Variants in WDFY2 observed in about 807,000 individuals in gnomAD.
The protein encoded by WDFY2 is WD repeat and FYVE domain-containing protein 2.
Under a neutral mutation model 56.4 loss-of-function variants are expected in WDFY2, and 36 were observed. The observed-to-expected ratio is 0.64, with a 90% CI of 0.49 to 0.84. WDFY2 has a LOEUF of 0.84. Ranked by LOEUF, WDFY2 falls within the 40% of genes least tolerant of loss-of-function variation. The pLI is 0.00. For synonymous variants in WDFY2, 176 were observed against 183.7 expected, an observed-to-expected ratio of 0.96 and a Z score of 0.34; for missense variants, 444 against 512.2, an observed-to-expected ratio of 0.87 and a Z score of 1.29.
intron 1 of WDFY2, among the ~76,000 whole-genome samples, chr13:51,649,328 G>T (rs1955322237): frequency 6.6e-6 from 1 of 152,108 alleles, no homozygotes; most frequent in Non-Finnish European, 1.5e-5. Flanking sequence ...GTGCAAGATG[G>T]ACTGTGCGGT....
chr13:51,714,515 A>G (rs1952300290), intron 4 of WDFY2, among the ~76,000 whole-genome samples: 1 of 150,652 alleles, frequency 6.6e-6, no homozygotes, highest in East Asian at 1.9e-4. Flanking sequence ...CTAGTCTTGA[A>G]CTCCTGACCT....
intron 1 of WDFY2, among the ~76,000 whole-genome samples, chr13:51,640,913 C>T (rs559512911): frequency 1.6e-4 from 25 of 152,158 alleles, no homozygotes; most frequent in Non-Finnish European, 2.4e-4. Flanking sequence ...TATCTTTGCT[C>T]ACTGGGATGA....
intron 1 of WDFY2, among the ~76,000 whole-genome samples, chr13:51,641,453 G>C (rs1232527377): frequency 6.6e-6 from 1 of 152,102 alleles, no homozygotes; most frequent in Non-Finnish European, 1.5e-5. Flanking sequence ...TGAGAGCATA[G>C]CAAAGAAAAG....
chr13:51,645,122 G>T (rs1030521959), intron 1 of WDFY2, among the ~76,000 whole-genome samples: 1 of 151,780 alleles, frequency 6.6e-6, no homozygotes, highest in Non-Finnish European at 1.5e-5. Flanking sequence ...CATTTTCTGC[G>T]TTTGAAGCTT....
At chr13:51,612,643 G>A (rs1954525375) in intron 1 of WDFY2, among the ~76,000 whole-genome samples, 1 of 152,206 alleles carries the variant, frequency 6.6e-6, no homozygotes, top group South Asian at 2.1e-4. Flanking sequence ...ACTAACCAAT[G>A]CTTTGGACTA....
At chr13:51,611,453 C>G in intron 1 of WDFY2, among the ~76,000 whole-genome samples, 1 of 152,300 alleles carries the variant, frequency 6.6e-6, no homozygotes, top group East Asian at 1.9e-4. Flanking sequence ...CCTCAGCATA[C>G]AACAAATCTT....
At chr13:51,726,704 G>A (rs746460916) in intron 5 of WDFY2, among the ~76,000 whole-genome samples, 2 of 152,304 alleles carry the variant, frequency 1.3e-5, no homozygotes, top group Middle Eastern at 3.4e-3. Flanking sequence ...TGCCAACTTC[G>A]TAAGCCGACT....
At chr13:51,688,300 G>A (rs561927717) in intron 3 of WDFY2, among the ~76,000 whole-genome samples, 132 of 152,268 alleles carry the variant, frequency 8.7e-4, no homozygotes, top group African/African-American at 3.0e-3. Flanking sequence ...TTCATGTAAT[G>A]CGTTGTCACC....
chr13:51,673,881 C>T (rs1955844108), intron 2 of WDFY2, among the ~76,000 whole-genome samples: 1 of 151,994 alleles, frequency 6.6e-6, no homozygotes, highest in Non-Finnish European at 1.5e-5. Context: ...GGAAATTCTA[C>T]TAGTTTTTAT....
chr13:51,682,955 A>C lies in WDFY2; in HGVS notation c.279+7712A>C, dbSNP rs115719033. The stretch of plus-strand genomic sequence containing the variant: ...TTAGTCTTTGCTGTTGCATCACAGG[A>C]ATTTACCAGTGATTTGCAAAACATG... On this transcript the variant is annotated intron_variant, in intron 3 of 11. Transcript: ENST00000298125. 9.2e-3 allele frequency among the ~76,000 whole-genome samples: 1,397 copies of C among 152,248 alleles called. 18 individuals carry two copies. The highest frequency in any genetic ancestry group is 0.032 in the African/African-American group (1,319 of 41,544).
chr13:51,617,546 A>G (rs996384885), intron 1 of WDFY2, among the ~76,000 whole-genome samples: 1 of 151,744 alleles, frequency 6.6e-6, no homozygotes, highest in Non-Finnish European at 1.5e-5. Flanking sequence ...TTCCCCCATA[A>G]TCCTCTGTTT....
At chr13:51,618,583 T>G (rs1199743858) in intron 1 of WDFY2, among the ~76,000 whole-genome samples, 1 of 152,206 alleles carries the variant, frequency 6.6e-6, no homozygotes, top group African/African-American at 2.4e-5. Context: ...ATCTTGAAAA[T>G]GATTAGTGAG....
chr13:51,652,661 T>C (rs1272846795), intron 1 of WDFY2, among the ~76,000 whole-genome samples: 3 of 152,220 alleles, frequency 2.0e-5, no homozygotes, highest in East Asian at 1.9e-4. Context: ...CCTTCACTTA[T>C]GAAGCTTAGT....
intron 9 of WDFY2, among the ~76,000 whole-genome samples, chr13:51,756,060 C>T (rs77638684): frequency 5.9e-5 from 9 of 152,204 alleles, no homozygotes; most frequent in Middle Eastern, 3.4e-3. Context: ...CTCTGTAGTT[C>T]CTAGTATGAT....
In WDFY2 at chr13:51,766,642, T is replaced by A. The variant is rs1483071444; in HGVS notation, c.*6873T>A. On this transcript the variant is annotated 3_prime_UTR_variant, in exon 12 of 12. Coordinates refer to ENST00000298125, the MANE Select transcript of WDFY2 (RefSeq NM_052950.4). Reference sequence around the variant, plus strand: ...GAAACATCTGTATCCAGGCCCCCAATCAAATGCTGCTGAATATTGTGAATG... The same window carrying A: ...GAAACATCTGTATCCAGGCCCCCAAACAAATGCTGCTGAATATTGTGAATG... The A allele has an allele frequency of 6.6e-6, 1 of 152,210 alleles. No individual in the cohort carries two copies. The highest frequency in any genetic ancestry group is 2.4e-5 in the African/African-American group (1 of 41,446). The allele number at this position is 152,210 out of a possible 1,614,324, so 9.4% of individuals were successfully genotyped here.
intron 1 of WDFY2, among the ~76,000 whole-genome samples, chr13:51,644,254 T>C (rs1171459157): frequency 6.6e-6 from 1 of 152,126 alleles, no homozygotes. Context: ...CACAAAATAG[T>C]GCTATTTGTA....
At chr13:51,751,570 T>C (rs1350222125) in intron 8 of WDFY2, 155 bp downstream of exon 8, 14 of 720,082 alleles carry the variant, frequency 1.9e-5, no homozygotes, top group East Asian at 6.1e-5. Flanking sequence ...GTTTTTTTTT[T>C]CCCTCACAAG....
rs1431215600 is a variant in WDFY2 at position 51,682,440 on chromosome 13, T to A, written c.279+7197T>A. 1.2e-4 allele frequency among the ~76,000 whole-genome samples: 19 copies of A among 152,216 alleles called. 1 individual carries two copies. Among genetic ancestry groups the A allele is most frequent in the Admixed American group, 1.2e-3 (19 of 15,276 alleles). On this transcript the variant is annotated intron_variant, in intron 3 of 11. Transcript: ENST00000298125. ...TGTTACAGTCTGGCACCCAGTACAA[T>A]GTCCATGAATTTTAAGTGCTCTGTA...
At chr13:51,661,524 A>G (rs563793488) in intron 2 of WDFY2, among the ~76,000 whole-genome samples, 10 of 152,326 alleles carry the variant, frequency 6.6e-5, no homozygotes, top group Non-Finnish European at 1.2e-4. Context: ...ATCTCTTGAT[A>G]TAAGTATCCC....
Sources: allele counts gnomAD v4.1 joint callset (sites outside exome capture counted in the v4.1 genomes callset), GRCh38; gene constraint gnomAD v4.1.1; transcripts MANE v1.5; gene names NCBI Gene and HGNC (gene_info 2026-07-23, HGNC 2026-07-21).